The following CSMD1 variants were observed in gnomAD, a reference collection of about 807,000 sequenced individuals.
CSMD1 encodes CUB and Sushi multiple domains 1.
A neutral mutation model predicts 417.5 loss-of-function variants in CSMD1; 213 were observed. The observed-to-expected ratio is 0.51, with a 90% CI of 0.46 to 0.57. The LOEUF (loss-of-function observed/expected upper bound fraction) is 0.57. Among genes scored for constraint, CSMD1 ranks in the 20% least tolerant of loss-of-function variants. CSMD1 has a pLI of 0.00. For synonymous variants in CSMD1, 2,862 were observed against 1,736.8 expected (o/e 1.65, Z -16.11); for missense variants, 6,923 against 4,529.7 (o/e 1.53, Z -15.17).
At chr8:3,143,570 T>G (rs1459187080) in intron 40 of CSMD1, among the ~76,000 whole-genome samples, 1 of 152,218 alleles carries the variant, frequency 6.6e-6, no homozygotes, top group Non-Finnish European at 1.5e-5. Context: ...GTCTTAGATA[T>G]TCTAACTCAT....
Position 3,637,685 on chromosome 8 carries a change from C to G in CSMD1, c.1010-20888G>C, listed in dbSNP as rs79764591. 3.3e-4 allele frequency among the ~76,000 whole-genome samples: 50 copies of G among 152,252 alleles called. No individual in the cohort carries two copies. The East Asian group carries it at 4.6e-3, about 14-fold the overall frequency. ...ACAATCATATGAAACAGGATGACAACTGAATTACCTCTGGCATACAGGTGT... is the reference window on the plus strand; with the variant it reads ...ACAATCATATGAAACAGGATGACAAGTGAATTACCTCTGGCATACAGGTGT... On this transcript the variant is annotated intron_variant, in intron 7 of 69. Coordinates refer to ENST00000635120, the MANE Select transcript of CSMD1 (RefSeq NM_033225.6).
intron 12 of CSMD1, among the ~76,000 whole-genome samples, chr8:3,410,911 G>C (rs768094079): frequency 6.6e-6 from 1 of 151,982 alleles, no homozygotes; most frequent in African/African-American, 2.4e-5. Context: ...AAGATAGAGG[G>C]GTATAGAGAG....
At chr8:3,925,072 A>G (rs572392251) in intron 5 of CSMD1, among the ~76,000 whole-genome samples, 13 of 152,304 alleles carry the variant, frequency 8.5e-5, no homozygotes, top group Admixed American at 8.5e-4. Flanking sequence ...TTCTATGGCT[A>G]TGCCTGCCCC....
intron 22 of CSMD1, among the ~76,000 whole-genome samples, chr8:3,346,193 T>C (rs1807978257): frequency 6.6e-6 from 1 of 152,132 alleles, no homozygotes; most frequent in Non-Finnish European, 1.5e-5. Context: ...TAATTAAATG[T>C]GAGAAGCACG....
At chr8:4,654,902 T>C (rs1212492891) in intron 1 of CSMD1, among the ~76,000 whole-genome samples, 1 of 152,044 alleles carries the variant, frequency 6.6e-6, no homozygotes, top group Non-Finnish European at 1.5e-5. Context: ...TTATACATTA[T>C]ACAATATACC....
At chr8:4,826,807 T>A (rs1430819952) in intron 1 of CSMD1, among the ~76,000 whole-genome samples, 1 of 152,164 alleles carries the variant, frequency 6.6e-6, no homozygotes, top group African/African-American at 2.4e-5. Flanking sequence ...TTAATGTACT[T>A]TTACCAAATC....
At chr8:4,473,480 C>T (rs568451795) in intron 2 of CSMD1, among the ~76,000 whole-genome samples, 1 of 152,300 alleles carries the variant, frequency 6.6e-6, no homozygotes, top group South Asian at 2.1e-4. Flanking sequence ...TACCCAGTGT[C>T]TGCAAATCCA....
chr8:4,548,399 CAT>C (rs918620389), intron 2 of CSMD1, among the ~76,000 whole-genome samples: 1 of 152,044 alleles, frequency 6.6e-6, no homozygotes, highest in Non-Finnish European at 1.5e-5. Context: ...TATTTAGACG[CAT>C]AGTCTATTTC....
chr8:4,222,382 ATCTTATTCTGTAAACAGAATAAGAAG>A (rs1563297210), intron 3 of CSMD1, among the ~76,000 whole-genome samples: 1 of 572 alleles, frequency 1.7e-3, no homozygotes, highest in African/African-American at 6.7e-3. Flanking sequence ...AGAAGCTTCC[ATCTTATTCTGTAAACAGAATAAGAAG>A]CTTCCATCTT....
intron 15 of CSMD1, among the ~76,000 whole-genome samples, chr8:3,404,378 T>A (rs907810088): frequency 6.7e-6 from 1 of 149,910 alleles, no homozygotes; most frequent in Non-Finnish European, 1.5e-5. Context: ...CTTTGAGTAA[T>A]GGTGAGTAAC....
In CSMD1 at chr8:4,729,158, T is replaced by C. The variant is rs561635404; in HGVS notation, c.86-91600A>G. ...AACAAAGAACACAAGGACAGGCTAA[T>C]GAGACGGGAGAAAAATCAGAGGTCT... On this transcript the variant is annotated intron_variant, in intron 1 of 69. Coordinates refer to ENST00000635120, the MANE Select transcript of CSMD1 (RefSeq NM_033225.6). Among the ~76,000 whole-genome samples, 4 of 152,170 alleles carry C rather than the reference T, an allele frequency of 2.6e-5. No individual in the cohort carries two copies. In the East Asian group the frequency reaches 5.8e-4, roughly 22 times the overall value.
At chr8:4,662,711 G>A (rs1018147284) in intron 1 of CSMD1, among the ~76,000 whole-genome samples, 1 of 152,158 alleles carries the variant, frequency 6.6e-6, no homozygotes, top group African/African-American at 2.4e-5. Flanking sequence ...ACTTTCAGAT[G>A]TTACGCAATT....
intron 3 of CSMD1, among the ~76,000 whole-genome samples, chr8:4,106,712 G>A (rs1563131783): frequency 6.6e-6 from 1 of 152,052 alleles, no homozygotes; most frequent in African/African-American, 2.4e-5. Flanking sequence ...GATCTGATGT[G>A]CGTTTTATAC....
At chr8:4,210,527 G>C (rs958373207) in intron 3 of CSMD1, among the ~76,000 whole-genome samples, 2 of 152,044 alleles carry the variant, frequency 1.3e-5, no homozygotes, top group Non-Finnish European at 2.9e-5. Context: ...TGTGAAATTG[G>C]TTCATCTTTG....
At chr8:4,284,125 T>C (rs1796933412) in intron 3 of CSMD1, among the ~76,000 whole-genome samples, 1 of 152,118 alleles carries the variant, frequency 6.6e-6, no homozygotes, top group Admixed American at 6.5e-5. Flanking sequence ...CCTAGCATTT[T>C]GGGAGGCCGA....
intron 3 of CSMD1, among the ~76,000 whole-genome samples, chr8:4,187,883 G>A (rs927339100): frequency 6.6e-6 from 1 of 151,966 alleles, no homozygotes; most frequent in African/African-American, 2.4e-5. Flanking sequence ...CTCAGGCCAT[G>A]GCAGCACTGG....
intron 4 of CSMD1, among the ~76,000 whole-genome samples, chr8:4,006,539 C>A (rs1816130521): frequency 6.6e-6 from 1 of 152,008 alleles, no homozygotes; most frequent in Non-Finnish European, 1.5e-5. Flanking sequence ...TGAGGCCTTG[C>A]CTCAGAATAA....
At chr8:3,979,616 A>G (rs1056582360) in intron 5 of CSMD1, among the ~76,000 whole-genome samples, 1 of 152,198 alleles carries the variant, frequency 6.6e-6, no homozygotes, top group Non-Finnish European at 1.5e-5. Flanking sequence ...GAGATTATAA[A>G]AAGAGGAAGA....
intron 3 of CSMD1, among the ~76,000 whole-genome samples, chr8:4,260,206 C>G (rs1803778341): frequency 6.6e-6 from 1 of 152,184 alleles, no homozygotes; most frequent in African/African-American, 2.4e-5. Context: ...TGTTGCCTAT[C>G]TAATTGGGGT....
Sources: allele counts gnomAD v4.1 joint callset (sites outside exome capture counted in the v4.1 genomes callset), GRCh38; gene constraint gnomAD v4.1.1; transcripts MANE v1.5; gene names NCBI Gene and HGNC (gene_info 2026-07-23, HGNC 2026-07-21).